The following KALRN variants were observed in gnomAD, a reference collection of about 807,000 sequenced individuals.
The protein encoded by KALRN is kalirin.
Under a neutral mutation model 353.7 loss-of-function variants are expected in KALRN, and 70 were observed. The ratio of observed to expected loss-of-function variants is 0.20; its 90% CI spans 0.16 to 0.24. The LOEUF is 0.24. Ranked by LOEUF, KALRN falls within the 10% of genes least tolerant of loss-of-function variation. The pLI is 1.00. For synonymous variants in KALRN, 1,391 were observed against 1,434.8 expected (o/e 0.97, Z 0.69); for missense variants, 2,791 against 3,756.7 (o/e 0.74, Z 6.72).
At chr3:124,087,295 T>C (rs1384617310) in intron 1 of KALRN, among the ~76,000 whole-genome samples, 1 of 152,210 alleles carries the variant, frequency 6.6e-6, no homozygotes, top group Non-Finnish European at 1.5e-5. Context: ...AAATTAGACA[T>C]ACTTACTTCC....
Position 124,496,433 on chromosome 3 carries a change from T to C in KALRN, c.4935+20T>C. 1 of 1,568,932 alleles carries C rather than the reference T, an allele frequency of 6.4e-7. No individual in the cohort carries two copies. Among genetic ancestry groups the C allele is most frequent in the Non-Finnish European group, 8.8e-7 (1 of 1,139,148 alleles). On this transcript the variant is annotated intron_variant, in intron 33 of 59. Transcript: ENST00000682506. ...GACAAGGTAGGACAGAGTCCTAACCTTCCTTCCCCTGAGACTTCTTGATGG... is the reference window on the plus strand; with the variant it reads ...GACAAGGTAGGACAGAGTCCTAACCCTCCTTCCCCTGAGACTTCTTGATGG...
chr3:124,585,226 G>T (rs1475064919), intron 34 of KALRN, among the ~76,000 whole-genome samples: 1 of 152,228 alleles, frequency 6.6e-6, no homozygotes, highest in Non-Finnish European at 1.5e-5. Context: ...GCGGGGGTGG[G>T]AAGGGGACGC....
At chr3:124,717,806 G>A (rs916389873) in intron 59 of KALRN, among the ~76,000 whole-genome samples, 3 of 151,960 alleles carry the variant, frequency 2.0e-5, no homozygotes, top group East Asian at 1.9e-4. Flanking sequence ...ACTTAGAGTA[G>A]AATATTATAA....
chr3:124,622,738 G>A (rs562433040), intron 34 of KALRN, among the ~76,000 whole-genome samples: 9 of 152,166 alleles, frequency 5.9e-5, no homozygotes, highest in East Asian at 5.8e-4. Context: ...CTTCCAAATC[G>A]CCTTGGGGTC....
At chr3:124,199,634 A>T (rs1195606968) in intron 1 of KALRN, among the ~76,000 whole-genome samples, 1 of 152,208 alleles carries the variant, frequency 6.6e-6, no homozygotes, top group Non-Finnish European at 1.5e-5. Flanking sequence ...TTTCTTAAAG[A>T]GTAAAGGATC....
Position 124,438,977 on chromosome 3 carries a change from G to A in KALRN, c.3138G>A (p.Glu1046=). 1 of 1,614,140 alleles carries A rather than the reference G, an allele frequency of 6.2e-7. No homozygotes were observed. Among genetic ancestry groups the A allele is most frequent in the South Asian group, 1.1e-5 (1 of 91,076 alleles). ...GAGATAAGCTGGGGCCAGCAGCAGAGATCGACCATGTCATTCCCCTCATCA... is the reference window on the plus strand; with the variant it reads ...GAGATAAGCTGGGGCCAGCAGCAGAAATCGACCATGTCATTCCCCTCATCA... The part of the protein sequence containing the change: ...GGRDKLGPAA[E]IDHVIPLISK... Residue 1046 remains glutamate, a synonymous_variant, in exon 18 of 60, where the codon GAG becomes GAA. Coordinates refer to ENST00000682506, the MANE Select transcript of KALRN (RefSeq NM_001388419.1).
chr3:124,274,342 G>A (rs745788130), intron 5 of KALRN, among the ~76,000 whole-genome samples: 2 of 152,252 alleles, frequency 1.3e-5, no homozygotes, highest in Non-Finnish European at 2.9e-5. Context: ...TTCTGATGTG[G>A]GGAAGGCCCT....
At chr3:124,385,066 C>A in intron 11 of KALRN, 30 bp downstream of exon 11, 1 of 1,550,246 alleles carries the variant, frequency 6.5e-7, no homozygotes, top group South Asian at 1.2e-5. Flanking sequence ...AGAGGGCATT[C>A]TGTCCTGCCA....
intron 1 of KALRN, among the ~76,000 whole-genome samples, chr3:124,087,498 G>A (rs780704627): frequency 3.9e-5 from 6 of 152,046 alleles, no homozygotes; most frequent in Non-Finnish European, 7.4e-5. Flanking sequence ...TCTCCTTGGC[G>A]ATCTCATCGA....
intron 9 of KALRN, among the ~76,000 whole-genome samples, chr3:124,337,921 C>A (rs555432276): frequency 6.6e-6 from 1 of 152,222 alleles, no homozygotes; most frequent in South Asian, 2.1e-4. Flanking sequence ...AGTTTATTTG[C>A]GTAGAGGTAT....
intron 3 of KALRN, among the ~76,000 whole-genome samples, chr3:124,243,724 G>A (rs2166167): frequency 0.53 from 80,935 of 151,980 alleles, 21,996 homozygotes; most frequent in African/African-American, 0.57. Flanking sequence ...CCTCTGGGAG[G>A]TGAAATGCGC....
At chr3:124,651,026 C>G in intron 38 of KALRN, 88 bp downstream of exon 38, 3 of 1,494,574 alleles carry the variant, frequency 2.0e-6, no homozygotes, top group Non-Finnish European at 2.8e-6. Flanking sequence ...GAGAGGGGTT[C>G]CCCACGCTGT....
At chr3:124,264,725 C>T in intron 4 of KALRN, 35 bp downstream of exon 4, 1 of 1,556,586 alleles carries the variant, frequency 6.4e-7, no homozygotes, top group Non-Finnish European at 8.9e-7. Flanking sequence ...CATCTTCTTT[C>T]CCTTCCCCTT....
chr3:124,707,699 C>T (rs1184807693), intron 57 of KALRN, among the ~76,000 whole-genome samples: 1 of 152,178 alleles, frequency 6.6e-6, no homozygotes, highest in African/African-American at 2.4e-5. Flanking sequence ...CTTACTGTCA[C>T]TGCTTCACCC....
intron 3 of KALRN, among the ~76,000 whole-genome samples, chr3:124,261,801 C>A (rs1580198534): frequency 6.6e-6 from 1 of 152,120 alleles, no homozygotes; most frequent in African/African-American, 2.4e-5. Context: ...AGGCAAGACC[C>A]ACAGTTAACG....
intron 4 of KALRN, among the ~76,000 whole-genome samples, chr3:124,266,783 A>G (rs2073607840): frequency 6.6e-6 from 1 of 152,236 alleles, no homozygotes; most frequent in Admixed American, 6.5e-5. Context: ...CTTGGTATAA[A>G]AACAGTGACC....
chr3:124,167,148 G>T (rs965727850), intron 1 of KALRN, among the ~76,000 whole-genome samples: 20 of 152,284 alleles, frequency 1.3e-4, no homozygotes, highest in African/African-American at 4.8e-4. Context: ...AGTAAACCCT[G>T]TGTCCTTGCA....
chr3:124,050,794 A>T (rs1442199595), intron 1 of KALRN, among the ~76,000 whole-genome samples: 1 of 152,168 alleles, frequency 6.6e-6, no homozygotes, highest in African/African-American at 2.4e-5. Context: ...CTGTATCTTA[A>T]TATGTTAGTG....
rs902445343 is a variant in KALRN, at chr3:124,724,677, G to C, written c.*5207G>C. The C allele has an allele frequency of 6.6e-6, 1 of 152,086 alleles. No individual in the cohort carries two copies. The highest frequency in any genetic ancestry group is 1.5e-5 in the Non-Finnish European group (1 of 68,010). 9.4% of individuals were successfully genotyped at this position (152,086 alleles called of 1,614,324 possible). A position where few individuals can be genotyped will look rare whatever the true frequency, so the allele number is the denominator to read the frequency against. On this transcript the variant is annotated 3_prime_UTR_variant, in exon 60 of 60. Transcript: ENST00000682506. ...TTTATAGCACTAAATGTTTTTAATA[G>C]GAAATTTACTCACATAAAAAATTTA...
Sources: gnomAD v4.1 joint callset for allele counts (sites outside exome capture counted in the v4.1 genomes callset) on GRCh38, gnomAD v4.1.1 for gene constraint, MANE v1.5 for transcripts, NCBI Gene and HGNC (gene_info 2026-07-23, HGNC 2026-07-21) for gene names.